PGBD2: variants seen among roughly 807,000 people sequenced by gnomAD.
PGBD2 encodes piggyBac transposable element derived 2.
Under a neutral mutation model 8.1 loss-of-function variants are expected in PGBD2, and 6 were observed. The ratio of observed to expected loss-of-function variants is 0.74; its 90% CI spans 0.40 to 1.46. PGBD2 has a LOEUF of 1.46. Ranked by LOEUF, PGBD2 falls within the 40% of genes most tolerant of loss-of-function variation. PGBD2 has a pLI of 0.02. For missense variants in PGBD2, 802 were observed against 739.0 expected (o/e 1.09, Z -0.99); for synonymous variants, 318 against 272.2 (o/e 1.17, Z -1.66).
chr1:248,906,720 A>C (rs1476049610), intron 1 of PGBD2, among the ~76,000 whole-genome samples: 2 of 149,920 alleles, frequency 1.3e-5, no homozygotes, highest in Non-Finnish European at 3.0e-5. Context: ...GGGACTGCGA[A>C]TGCCACGTCA....
rs74157349 is a variant in PGBD2 at position 248,916,897 on chromosome 1, G to A, written c.313G>A (p.Val105Ile). ...LQPAKKRQKA[V>I]VKPQRIWTKR... ...GCCAGCCAAGAAGAGGCAGAAAGCAGTTGTGAAACCTCAGCGCATTTGGAC... is the reference window on the plus strand; with the variant it reads ...GCCAGCCAAGAAGAGGCAGAAAGCAATTGTGAAACCTCAGCGCATTTGGAC... The change falls in exon 3 of 3, where the codon GTT becomes ATT. Residue 105 changes from valine (V) to isoleucine (I), a missense_variant. Physicochemically the swap from Val to Ile is conservative, Grantham distance 29 (BLOSUM62 3). Transcript: ENST00000329291. 0.015 allele frequency: 23,949 copies of A among 1,614,060 alleles called. 804 individuals are homozygous for A. Among genetic ancestry groups the A allele is most frequent in the East Asian group, 0.12 (5,399 of 44,870 alleles).
rs1402890517 is a variant in PGBD2 at position 248,919,002 on chromosome 1, T to C, written c.*639T>C. The C allele has an allele frequency of 6.0e-6, 1 of 167,080 alleles. No individual in the cohort carries two copies. Among genetic ancestry groups the C allele is most frequent in the Admixed American group, 6.5e-5 (1 of 15,280 alleles). 10.3% of individuals were successfully genotyped at this position (167,080 alleles called of 1,614,324 possible). A position where few individuals can be genotyped will look rare whatever the true frequency, so the allele number is the denominator to read the frequency against. Reference sequence around the variant, plus strand: ...GTATTTTTATGGGTTACATGAGATATTCTGATACAAACATGCAATGTATAA... The same window carrying C: ...GTATTTTTATGGGTTACATGAGATACTCTGATACAAACATGCAATGTATAA... On this transcript the variant is annotated 3_prime_UTR_variant, in exon 3 of 3. Transcript: ENST00000329291.
the PGBD2 span, among the ~76,000 whole-genome samples, chr1:248,885,377 G>C: frequency 0.04 from 6,107 of 151,424 alleles, 388 homozygotes; most frequent in African/African-American, 0.14. Flanking sequence ...CTAGCCTTAA[G>C]CTATCCTCTC....
the PGBD2 span, among the ~76,000 whole-genome samples, chr1:248,896,054 A>G: frequency 6.6e-6 from 1 of 152,058 alleles, no homozygotes; most frequent in Non-Finnish European, 1.5e-5. Context: ...GAAGTCTATT[A>G]TATCATTCTT....
chr1:248,901,946 T>C (rs1044316971), upstream of PGBD2, among the ~76,000 whole-genome samples: 3 of 152,178 alleles, frequency 2.0e-5, no homozygotes, highest in Admixed American at 1.3e-4. Flanking sequence ...ATTAAAAACA[T>C]CATTGATCAT....
chr1:248,878,778 CCA>C, the PGBD2 span, among the ~76,000 whole-genome samples: 2 of 152,112 alleles, frequency 1.3e-5, no homozygotes. Flanking sequence ...TTTAGAAGCT[CCA>C]TAGTACACTG....
the PGBD2 span, among the ~76,000 whole-genome samples, chr1:248,891,753 G>A: frequency 6.6e-6 from 1 of 152,202 alleles, no homozygotes; most frequent in Non-Finnish European, 1.5e-5. Context: ...GAGCCCTGAA[G>A]GTTGAGGCTG....
At chr1:248,879,341 G>A in the PGBD2 span, among the ~76,000 whole-genome samples, 1 of 152,132 alleles carries the variant, frequency 6.6e-6, no homozygotes, top group Non-Finnish European at 1.5e-5. Context: ...CAATTGTTAT[G>A]TTCCCTGTTA....
At chr1:248,875,253 A>G in the PGBD2 span, among the ~76,000 whole-genome samples, 361 of 147,244 alleles carry the variant, frequency 2.5e-3, 3 homozygotes, top group Non-Finnish European at 4.6e-3. Flanking sequence ...CCGAGATCGC[A>G]CCACTGCACT....
At chr1:248,890,896 A>G in the PGBD2 span, among the ~76,000 whole-genome samples, 1 of 148,624 alleles carries the variant, frequency 6.7e-6, no homozygotes, top group East Asian at 2.0e-4. Context: ...GATGCTATGC[A>G]TCACAGATAC....
chr1:248,923,068 C>T (rs543954217), downstream of PGBD2, among the ~76,000 whole-genome samples: 3 of 152,298 alleles, frequency 2.0e-5, no homozygotes, highest in African/African-American at 7.2e-5. Context: ...TAGAATTCGG[C>T]TGTGAATCCA....
the PGBD2 span, among the ~76,000 whole-genome samples, chr1:248,927,436 A>T: frequency 7.9e-5 from 12 of 152,214 alleles, no homozygotes; most frequent in Non-Finnish European, 1.5e-4. Context: ...AATAGGTAGC[A>T]TTCTAAACAG....
At chr1:248,926,279 CAT>C in the PGBD2 span, among the ~76,000 whole-genome samples, 3 of 152,160 alleles carry the variant, frequency 2.0e-5, no homozygotes, top group Admixed American at 1.3e-4. Flanking sequence ...AAAGTTGTAA[CAT>C]AATAATGTAA....
chr1:248,897,469 A>G, the PGBD2 span, among the ~76,000 whole-genome samples: 1 of 152,114 alleles, frequency 6.6e-6, no homozygotes, highest in African/African-American at 2.4e-5. Flanking sequence ...AGTAAATTAA[A>G]TGTATGTTCA....
the PGBD2 span, among the ~76,000 whole-genome samples, chr1:248,874,427 A>G: frequency 1.3e-5 from 2 of 152,186 alleles, no homozygotes; most frequent in African/African-American, 2.4e-5. Context: ...TGGTGTCCTC[A>G]TTTTGCAGAG....
At chr1:248,910,077 C>G (rs553242538) in intron 1 of PGBD2, among the ~76,000 whole-genome samples, 1 of 152,210 alleles carries the variant, frequency 6.6e-6, no homozygotes, top group Non-Finnish European at 1.5e-5. Context: ...GGTGAAGCAA[C>G]TGTGACATGG....
At chr1:248,925,811 T>A in the PGBD2 span, among the ~76,000 whole-genome samples, 1 of 152,146 alleles carries the variant, frequency 6.6e-6, no homozygotes, top group Non-Finnish European at 1.5e-5. Context: ...ACATTCCCAT[T>A]GCCAGCGGGG....
chr1:248,925,465 C>T, the PGBD2 span, among the ~76,000 whole-genome samples: 1 of 152,174 alleles, frequency 6.6e-6, no homozygotes, highest in Non-Finnish European at 1.5e-5. Context: ...ATGGTCCTCA[C>T]TGTGCAACCG....
chr1:248,899,480 C>T, the PGBD2 span, among the ~76,000 whole-genome samples: 8 of 152,100 alleles, frequency 5.3e-5, no homozygotes, highest in African/African-American at 1.4e-4. Flanking sequence ...AATTGAAAAA[C>T]CTGATCCTGA....
Sources: allele counts gnomAD v4.1 joint callset (sites outside exome capture counted in the v4.1 genomes callset), GRCh38; gene constraint gnomAD v4.1.1; transcripts MANE v1.5; gene names NCBI Gene and HGNC (gene_info 2026-07-23, HGNC 2026-07-21).